The following IRAK2 variants were observed in gnomAD, a reference collection of about 807,000 sequenced individuals.
IRAK2 encodes the protein interleukin 1 receptor associated kinase 2.
A neutral mutation model predicts 72.0 loss-of-function variants in IRAK2; 57 were observed. The ratio of observed to expected loss-of-function variants is 0.79; its 90% CI spans 0.64 to 0.99. The LOEUF (loss-of-function observed/expected upper bound fraction) is 0.99, where lower values mean the gene tolerates loss of function less well. Ranked by LOEUF, IRAK2 falls within the 50% of genes least tolerant of loss-of-function variation. The pLI, the probability that IRAK2 is intolerant of heterozygous loss-of-function variation, is 0.00. For missense variants in IRAK2, 790 were observed against 794.4 expected (o/e 0.99, Z 0.07); for synonymous variants, 293 against 312.7 (o/e 0.94, Z 0.67).
intron 8 of IRAK2, among the ~76,000 whole-genome samples, chr3:10,220,924 CATCCT>C (rs1452749914): frequency 6.6e-6 from 1 of 152,092 alleles, no homozygotes; most frequent in East Asian, 1.9e-4. Flanking sequence ...TACCAATTCA[CATCCT>C]GTTTTTTACC....
Position 10,204,542 on chromosome 3 carries a change from A to G in IRAK2, c.424+4027A>G, listed in dbSNP as rs553658688. Among the ~76,000 whole-genome samples, 7 of 152,308 alleles carry G rather than the reference A, an allele frequency of 4.6e-5. No homozygotes were observed. The East Asian group carries it at 1.2e-3, about 25-fold the overall frequency. The stretch of plus-strand genomic sequence containing the variant: ...GGCAGTCGGATCACCTCAGGTCAGG[A>G]GTTCGAGACCAGCCTGGTCAACATG... On this transcript the variant is annotated intron_variant, in intron 3 of 12. Coordinates refer to ENST00000256458, the MANE Select transcript of IRAK2 (RefSeq NM_001570.4).
At chr3:10,217,158 A>G in intron 7 of IRAK2, 110 bp downstream of exon 7, 1 of 736,826 alleles carries the variant, frequency 1.4e-6, no homozygotes, top group South Asian at 1.6e-5. Flanking sequence ...TCTAGGTGAG[A>G]CCAGGGAGAC....
chr3:10,228,386 C>G (rs145247524), intron 10 of IRAK2, among the ~76,000 whole-genome samples: 2,191 of 152,134 alleles, frequency 0.014, 30 homozygotes, highest in Middle Eastern at 0.044. Context: ...GGCAGTCAAT[C>G]CCATATGCTG....
At chr3:10,170,211 G>A (rs920791502) in intron 1 of IRAK2, among the ~76,000 whole-genome samples, 2 of 152,154 alleles carry the variant, frequency 1.3e-5, no homozygotes, top group Non-Finnish European at 2.9e-5. Flanking sequence ...CATCACATCT[G>A]TCTCTGTGAC....
At chr3:10,231,474 A>G (rs1173140941) in intron 10 of IRAK2, among the ~76,000 whole-genome samples, 4 of 151,288 alleles carry the variant, frequency 2.6e-5, no homozygotes, top group Non-Finnish European at 5.9e-5. Flanking sequence ...TGTATTTTTA[A>G]TAGAGATGGG....
At chr3:10,168,767 C>T (rs376670230) in intron 1 of IRAK2, among the ~76,000 whole-genome samples, 10 of 152,272 alleles carry the variant, frequency 6.6e-5, no homozygotes, top group African/African-American at 1.9e-4. Flanking sequence ...TCTTCCACAC[C>T]CACTGTCACT....
intron 3 of IRAK2, among the ~76,000 whole-genome samples, chr3:10,205,673 G>A (rs1697423778): frequency 6.6e-6 from 1 of 152,250 alleles, no homozygotes; most frequent in Admixed American, 6.5e-5. Context: ...CACACCTGCA[G>A]TGGTACACAG....
chr3:10,223,238 T>C (rs142849450), intron 9 of IRAK2, among the ~76,000 whole-genome samples: 2 of 152,264 alleles, frequency 1.3e-5, no homozygotes, highest in South Asian at 2.1e-4. Context: ...CACTTGTCCA[T>C]CCAGTTGTCT....
At chr3:10,231,512 C>T (rs973928800) in intron 10 of IRAK2, among the ~76,000 whole-genome samples, 25 of 151,950 alleles carry the variant, frequency 1.6e-4, no homozygotes, top group Middle Eastern at 3.2e-3. Flanking sequence ...AGGCTGGTCT[C>T]GAACTCCTGA....
At chr3:10,193,441 CA>C (rs34948830) in intron 2 of IRAK2, among the ~76,000 whole-genome samples, 2,749 of 149,734 alleles carry the variant, frequency 0.018, 73 homozygotes, top group African/African-American at 0.065. Flanking sequence ...CTGTCTCTAC[CA>C]AAAAAAAACA....
In IRAK2 at chr3:10,242,377, G is replaced by T; in HGVS notation, c.*149G>T. On this transcript the variant is annotated 3_prime_UTR_variant, in exon 13 of 13. Transcript: ENST00000256458. ...GGTGGGAGGGAAACTTCATTTCACT[G>T]GAATGAGTTGGGAGAGAAAGGCCCT... 1 of 493,006 alleles carries T rather than the reference G, an allele frequency of 2.0e-6. No individual in the cohort carries two copies. 30.5% of individuals were successfully genotyped at this position (493,006 alleles called of 1,614,324 possible). A position where few individuals can be genotyped will look rare whatever the true frequency, so the allele number is the denominator to read the frequency against.
chr3:10,232,243 C>T (rs1697873321), intron 10 of IRAK2, among the ~76,000 whole-genome samples: 1 of 152,246 alleles, frequency 6.6e-6, no homozygotes, highest in East Asian at 1.9e-4. Flanking sequence ...TGTAGACAGA[C>T]TGTCTCACAT....
At chr3:10,172,622 G>A (rs1696815124) in intron 1 of IRAK2, among the ~76,000 whole-genome samples, 3 of 148,408 alleles carry the variant, frequency 2.0e-5, no homozygotes, top group South Asian at 4.3e-4. Context: ...GGTGGATCAC[G>A]AGGTCAGGAG....
At chr3:10,224,806 T>C (rs1423945973) in intron 9 of IRAK2, among the ~76,000 whole-genome samples, 1 of 57,210 alleles carries the variant, frequency 1.7e-5, no homozygotes, top group Non-Finnish European at 3.7e-5. Context: ...CATTCATTCA[T>C]TGAATGCCTC....
chr3:10,223,340 C>G (rs538555400), intron 9 of IRAK2, among the ~76,000 whole-genome samples: 1 of 152,074 alleles, frequency 6.6e-6, no homozygotes, highest in Admixed American at 6.6e-5. Flanking sequence ...CAGCATCCCA[C>G]CCTACCACCA....
Position 10,169,959 on chromosome 3 carries a change from T to C in IRAK2, c.94+4911T>C, listed in dbSNP as rs559769116. On this transcript the variant is annotated intron_variant, in intron 1 of 12. Coordinates refer to ENST00000256458, the MANE Select transcript of IRAK2 (RefSeq NM_001570.4). ...TAAATGTCCATGAAATCTTCACAAG[T>C]TGTATTCTTCTGCCGTGGCTTCAGC... 3.7e-4 allele frequency among the ~76,000 whole-genome samples: 56 copies of C among 152,340 alleles called. 1 individual carries two copies. Among genetic ancestry groups the C allele is most frequent in the Middle Eastern group, 3.4e-3 (1 of 294 alleles).
At chr3:10,174,864 A>T (rs1457125425) in intron 1 of IRAK2, among the ~76,000 whole-genome samples, 1 of 151,752 alleles carries the variant, frequency 6.6e-6, no homozygotes, top group African/African-American at 2.4e-5. Flanking sequence ...TTCTCACTTC[A>T]GTAAACCAGT....
chr3:10,242,896 C>T lies in IRAK2; in HGVS notation c.*668C>T, dbSNP rs1698084121. ...CAAATGCCAGACACCTAGCGAAGAG[C>T]TCTGCAGGCTTTCCACTGCCTGTAT... On this transcript the variant is annotated 3_prime_UTR_variant, in exon 13 of 13. Coordinates refer to ENST00000256458, the MANE Select transcript of IRAK2 (RefSeq NM_001570.4). 1 of 152,228 alleles carries T rather than the reference C, an allele frequency of 6.6e-6. No homozygotes were observed. 9.4% of individuals were successfully genotyped at this position (152,228 alleles called of 1,614,324 possible).
intron 12 of IRAK2, 140 bp downstream of exon 12, chr3:10,239,179 G>A: frequency 1.3e-6 from 1 of 771,756 alleles, no homozygotes; most frequent in Non-Finnish European, 2.0e-6. Context: ...TTTTCACAGA[G>A]AAACCTGGGA....
Sources: gnomAD v4.1 joint callset for allele counts (sites outside exome capture counted in the v4.1 genomes callset) on GRCh38, gnomAD v4.1.1 for gene constraint, MANE v1.5 for transcripts, NCBI Gene and HGNC (gene_info 2026-07-23, HGNC 2026-07-21) for gene names.